PDE1A: variants seen among roughly 807,000 people sequenced by gnomAD.
The protein encoded by PDE1A is phosphodiesterase 1A.
A neutral mutation model predicts 61.7 loss-of-function variants in PDE1A; 35 were observed. That is an observed-to-expected ratio of 0.57 (90% CI 0.43 to 0.75). PDE1A has a LOEUF of 0.75. PDE1A is among the 30% of genes least tolerant of loss of function. The probability of loss-of-function intolerance (pLI) is 0.00; values close to 1 mark genes in which losing one functional copy is unlikely to be tolerated. For synonymous variants in PDE1A, 232 were observed against 213.2 expected, an observed-to-expected ratio of 1.09 and a Z score of -0.77; for missense variants, 597 against 630.6, an observed-to-expected ratio of 0.95 and a Z score of 0.57.
chr2:182,257,362 A>T, intron 2 of PDE1A, among the ~76,000 whole-genome samples: 1 of 152,236 alleles, frequency 6.6e-6, no homozygotes, highest in East Asian at 1.9e-4. Flanking sequence ...AAAAGTCAAA[A>T]AATTGGTTTA....
the PDE1A span, among the ~76,000 whole-genome samples, chr2:182,542,932 A>C: frequency 1.3e-5 from 2 of 152,206 alleles, no homozygotes; most frequent in Non-Finnish European, 2.9e-5. Context: ...AGGAAATTAG[A>C]GTGTATGTAC....
chr2:182,177,826 T>C (rs142709099), intron 13 of PDE1A, among the ~76,000 whole-genome samples: 18 of 152,282 alleles, frequency 1.2e-4, no homozygotes. Context: ...GGATATAAAA[T>C]TATGGATTTA....
chr2:182,434,646 T>C (rs1704121478), intron 2 of PDE1A, among the ~76,000 whole-genome samples: 1 of 151,988 alleles, frequency 6.6e-6, no homozygotes. Context: ...CCGAAATCAC[T>C]TGAATTTTGG....
intron 2 of PDE1A, among the ~76,000 whole-genome samples, chr2:182,477,099 A>T (rs1457703906): frequency 2.6e-5 from 4 of 151,928 alleles, no homozygotes; most frequent in Admixed American, 6.6e-5. Context: ...AATAATTCGT[A>T]AGTCAAAGGC....
At chr2:182,352,035 G>T (rs932789873) in intron 1 of PDE1A, among the ~76,000 whole-genome samples, 1 of 152,310 alleles carries the variant, frequency 6.6e-6, no homozygotes, top group South Asian at 2.1e-4. Flanking sequence ...ATGAGATACA[G>T]ACCTTCATGG....
intron 1 of PDE1A, among the ~76,000 whole-genome samples, chr2:182,265,830 T>C (rs1183116304): frequency 2.6e-5 from 4 of 152,156 alleles, no homozygotes; most frequent in Admixed American, 6.6e-5. Context: ...TTGTCTATTT[T>C]CCTAAGTCAT....
At chr2:182,445,229 G>A (rs1035720122) in intron 2 of PDE1A, among the ~76,000 whole-genome samples, 1 of 152,108 alleles carries the variant, frequency 6.6e-6, no homozygotes. Context: ...AAAAGACAAT[G>A]AGGAATTATA....
At chr2:182,337,044 T>C (rs144576687) in intron 1 of PDE1A, among the ~76,000 whole-genome samples, 7 of 151,298 alleles carry the variant, frequency 4.6e-5, no homozygotes, top group East Asian at 1.9e-4. Flanking sequence ...AAAATACACA[T>C]ATAAAATAGT....
At chr2:182,594,024 C>G in the PDE1A span, among the ~76,000 whole-genome samples, 1,050 of 152,218 alleles carry the variant, frequency 6.9e-3, 14 homozygotes, top group African/African-American at 0.024. Flanking sequence ...AGTAATTAAA[C>G]TTATAAAAGG....
At chr2:182,292,611 T>C (rs1694610433) in intron 1 of PDE1A, among the ~76,000 whole-genome samples, 1 of 151,984 alleles carries the variant, frequency 6.6e-6, no homozygotes, top group African/African-American at 2.4e-5. Context: ...TTCTGAATAA[T>C]AGTACAAAAT....
the PDE1A span, among the ~76,000 whole-genome samples, chr2:182,698,688 C>T: frequency 1.5e-4 from 23 of 152,090 alleles, no homozygotes; most frequent in Admixed American, 9.2e-4. Flanking sequence ...CAAATAAAAA[C>T]ACTCTTTTTT....
Position 182,447,235 on chromosome 2 carries a change from C to T in PDE1A, c.101+75041G>A, listed in dbSNP as rs147094921. 8.6e-3 allele frequency among the ~76,000 whole-genome samples: 1,308 copies of T among 151,770 alleles called. 18 individuals are homozygous for T. The highest frequency in any genetic ancestry group is 0.03 in the African/African-American group (1,230 of 41,406). On this transcript the variant is annotated intron_variant, in intron 2 of 14. Transcript: ENST00000410103. ...TCCTCATTATTCCTAGATAATGTTG[C>T]ACTTAGTTTTGATGTCCTAATATCT...
chr2:182,422,622 C>A (rs539814151), intron 1 of PDE1A, among the ~76,000 whole-genome samples: 13 of 152,038 alleles, frequency 8.6e-5, no homozygotes, highest in Non-Finnish European at 1.6e-4. Flanking sequence ...ATGTCTTCAA[C>A]AATTATTTTA....
At chr2:182,598,879 G>T in the PDE1A span, among the ~76,000 whole-genome samples, 2 of 152,224 alleles carry the variant, frequency 1.3e-5, no homozygotes, top group Non-Finnish European at 2.9e-5. Context: ...TGTAGGTCAA[G>T]AATTAAGATA....
intron 1 of PDE1A, among the ~76,000 whole-genome samples, chr2:182,357,563 T>C (rs529186027): frequency 1.3e-5 from 2 of 152,336 alleles, no homozygotes; most frequent in East Asian, 1.9e-4. Context: ...ATTTTGAGCA[T>C]TGCAGAAAGT....
At chr2:182,401,202 C>G (rs563265630) in intron 1 of PDE1A, among the ~76,000 whole-genome samples, 1 of 152,234 alleles carries the variant, frequency 6.6e-6, no homozygotes, top group African/African-American at 2.4e-5. Context: ...ATACCAAAAC[C>G]CAGGAGGGAC....
At chr2:182,333,636 T>A (rs1697576824) in intron 1 of PDE1A, among the ~76,000 whole-genome samples, 2 of 152,108 alleles carry the variant, frequency 1.3e-5, no homozygotes, top group South Asian at 4.2e-4. Flanking sequence ...CAGAAAGATC[T>A]AAAATCAACA....
intron 6 of PDE1A, among the ~76,000 whole-genome samples, chr2:182,225,787 T>C (rs1689094528): frequency 6.7e-6 from 1 of 150,102 alleles, no homozygotes; most frequent in Non-Finnish European, 1.5e-5. Flanking sequence ...AGGCATTAAA[T>C]CTGGGAAATA....
At chr2:182,351,695 A>C (rs1698890502) in intron 1 of PDE1A, among the ~76,000 whole-genome samples, 1 of 152,194 alleles carries the variant, frequency 6.6e-6, no homozygotes, top group Non-Finnish European at 1.5e-5. Context: ...GATCAATCAT[A>C]GCAATCTGTA....
Sources: gnomAD v4.1 joint callset for allele counts (sites outside exome capture counted in the v4.1 genomes callset) on GRCh38, gnomAD v4.1.1 for gene constraint, MANE v1.5 for transcripts, NCBI Gene and HGNC (gene_info 2026-07-23, HGNC 2026-07-21) for gene names.